The following CSPG5 variants were observed in gnomAD, a reference collection of about 807,000 sequenced individuals.
The protein encoded by CSPG5 is chondroitin sulfate proteoglycan 5.
A neutral mutation model predicts 39.8 loss-of-function variants in CSPG5; 25 were observed. The ratio of observed to expected loss-of-function variants is 0.63; its 90% CI spans 0.46 to 0.88. CSPG5 has a LOEUF of 0.88. CSPG5 is among the 40% of genes least tolerant of loss of function. The pLI is 0.00. For missense variants in CSPG5, 627 were observed against 702.2 expected (o/e 0.89, Z 1.21); for synonymous variants, 295 against 303.9 (o/e 0.97, Z 0.31).
At position 47,576,976 on chromosome 3, in the gene CSPG5, C is replaced by A. The variant is rs1273988009; in HGVS notation, c.1050G>T (p.Leu350Phe). ...RPRPGEPGRD[L>F]ASSENGTECR... ...ACTCAGTGCCATTTTCACTGGAGGC[C>A]AAGTCCCTGCCTGGCTCTCCTGGGC... Residue 350 changes from leucine (L) to phenylalanine (F), a missense_variant, in exon 2 of 5, where the codon TTG becomes TTT. Transcript: ENST00000264723. 6.2e-7 allele frequency: 1 copy of A among 1,613,694 alleles called. No homozygotes were observed. The highest frequency in any genetic ancestry group is 8.5e-7 in the Non-Finnish European group (1 of 1,179,884).
Position 47,578,009 on chromosome 3 carries a change from C to A in CSPG5, c.98-81G>T. 7.4e-7 allele frequency: 1 copy of A among 1,356,626 alleles called. No individual in the cohort carries two copies. Among genetic ancestry groups the A allele is most frequent in the Non-Finnish European group, 9.4e-7 (1 of 1,062,952 alleles). 84.0% of individuals were successfully genotyped at this position (1,356,626 alleles called of 1,614,324 possible). A position where few individuals can be genotyped will look rare whatever the true frequency, so the allele number is the denominator to read the frequency against. ...GAGCCCCGGCCCGCCCCGGTCAGGC[C>A]CGCTCGCCTAGACCTGGTCAACCCA... On this transcript the variant is annotated intron_variant, in intron 1 of 4. Coordinates refer to ENST00000264723, the MANE Select transcript of CSPG5 (RefSeq NM_006574.4). The surrounding 1 kb of genome is among the most constrained non-coding windows in gnomAD (Gnocchi z 6.0).
rs980126183 is a variant in CSPG5 at position 47,577,951 on chromosome 3, C to A, written c.98-23G>T. 7 of 1,395,674 alleles carry A rather than the reference C, an allele frequency of 5.0e-6. No homozygotes were observed. The highest frequency in any genetic ancestry group is 6.4e-6 in the Non-Finnish European group (7 of 1,086,168). The allele number at this position is 1,395,674 out of a possible 1,614,324, so 86.5% of individuals were successfully genotyped here. A position where few individuals can be genotyped will look rare whatever the true frequency, so the allele number is the denominator to read the frequency against. On this transcript the variant is annotated intron_variant, in intron 1 of 4. Transcript: ENST00000264723. The surrounding 1 kb of genome is among the most constrained non-coding windows in gnomAD (Gnocchi z 4.7). ...GCGCTGCGGGCGGGAGGGCAAGGGGCGGGACGTCAGGGCGGCGCGCTGAGG... is the reference window on the plus strand; with the variant it reads ...GCGCTGCGGGCGGGAGGGCAAGGGGAGGGACGTCAGGGCGGCGCGCTGAGG...
At position 47,578,675 on chromosome 3, in the gene CSPG5, C is replaced by A. The variant is rs917880653; in HGVS notation, c.19G>T (p.Gly7Trp). ...GGCGGCGGCCCCCGGCCCGGGCCCC[C>A]GCCCCCGGCTCGCCCCATGGCGCGG... MGRAGG[G>W]GPGRGPPPLL... The change falls in exon 1 of 5, where the codon GGG becomes TGG. Residue 7 changes from glycine to tryptophan, a missense_variant. Physicochemically the swap from Gly to Trp is radical, Grantham distance 184 (BLOSUM62 -2). Transcript: ENST00000264723. The surrounding 1 kb of genome is among the most constrained non-coding windows in gnomAD (Gnocchi z 6.0). 8 of 1,072,000 alleles carry A rather than the reference C, an allele frequency of 7.5e-6. No individual in the cohort carries two copies. The highest frequency in any genetic ancestry group is 1.7e-5 in the African/African-American group (1 of 59,104). The allele number at this position is 1,072,000 out of a possible 1,614,324, so 66.4% of individuals were successfully genotyped here.
At chr3:47,575,930 T>A (rs1262873809) in intron 2 of CSPG5, among the ~76,000 whole-genome samples, 2 of 102,800 alleles carry the variant, frequency 1.9e-5, no homozygotes, top group Non-Finnish European at 4.2e-5. Context: ...TCATTTTGCC[T>A]TTTTTTTTTT....
intron 4 of CSPG5, among the ~76,000 whole-genome samples, chr3:47,566,057 C>G (rs1394578401): frequency 6.6e-6 from 1 of 152,142 alleles, no homozygotes; most frequent in Non-Finnish European, 1.5e-5. Context: ...GGCACAGATA[C>G]CAGCCACTGA....
At chr3:47,567,813 A>G (rs2031371444) in intron 4 of CSPG5, among the ~76,000 whole-genome samples, 1 of 152,150 alleles carries the variant, frequency 6.6e-6, no homozygotes, top group African/African-American at 2.4e-5. Flanking sequence ...GGGGTTCGAG[A>G]CCAGCCTGGG....
intron 4 of CSPG5, among the ~76,000 whole-genome samples, chr3:47,563,576 A>G (rs1184895272): frequency 6.6e-6 from 1 of 152,114 alleles, no homozygotes; most frequent in African/African-American, 2.4e-5. Context: ...TATTCTTGAG[A>G]AGGAGTCTTG....
Position 47,562,499 on chromosome 3 carries a change from T to C in CSPG5, c.*101A>G. ...CATGAGATCAGAAAAAGAAAAGAGTTTAACAAATGGTTACAAGAAATAGAC... is the reference window on the plus strand; with the variant it reads ...CATGAGATCAGAAAAAGAAAAGAGTCTAACAAATGGTTACAAGAAATAGAC... On this transcript the variant is annotated 3_prime_UTR_variant, in exon 5 of 5. Coordinates refer to ENST00000264723, the MANE Select transcript of CSPG5 (RefSeq NM_006574.4). 2 of 1,196,996 alleles carry C rather than the reference T, an allele frequency of 1.7e-6. No homozygotes were observed. The highest frequency in any genetic ancestry group is 2.3e-6 in the Non-Finnish European group (2 of 860,172). The allele number at this position is 1,196,996 out of a possible 1,614,324, so 74.1% of individuals were successfully genotyped here.
chr3:47,569,347 T>A, intron 3 of CSPG5, 120 bp from the exon 4 acceptor site: 1 of 985,342 alleles, frequency 1.0e-6, no homozygotes, highest in Non-Finnish European at 1.5e-6. Context: ...CTCGCGCCTG[T>A]AATCCTAGCA....
chr3:47,577,420 T>C lies in CSPG5; in HGVS notation c.606A>G (p.Gln202=), dbSNP rs767914543. 1.2e-6 allele frequency: 2 copies of C among 1,614,136 alleles called. No homozygotes were observed. The highest frequency in any genetic ancestry group is 2.2e-5 in the East Asian group (1 of 44,868). ...TYPFQGTLEP[Q]PASDIIDIDY... ...CGATGTCAATGATATCTGATGCCGG[T>C]TGGGGCTCCAGGGTGCCCTGAAATG... The change falls in exon 2 of 5, where the codon CAA becomes CAG. Residue 202 remains glutamine (Q), a synonymous_variant. Transcript: ENST00000264723. This position sits in a 1 kb window ranked among gnomAD's most constrained non-coding sequence, Gnocchi z 4.7.
At position 47,577,775 on chromosome 3, in the gene CSPG5, C is replaced by T; in HGVS notation, c.251G>A (p.Gly84Glu). 6.3e-7 allele frequency: 1 copy of T among 1,587,332 alleles called. No individual in the cohort carries two copies. Among genetic ancestry groups the T allele is most frequent in the Non-Finnish European group, 8.5e-7 (1 of 1,174,300 alleles). ...SWTAPGGELA[G>E]PEEVLQESAA... The stretch of plus-strand genomic sequence containing the variant: ...CGACTCCTGCAGCACCTCTTCTGGC[C>T]CGGCCAGCTCGCCACCGGGCGCCGT... Residue 84 changes from glycine to glutamate, a missense_variant, in exon 2 of 5, where the codon GGG (glycine) becomes GAG (glutamate). Gly to Glu is a moderately conservative substitution (Grantham distance 98, BLOSUM62 -2). Transcript: ENST00000264723. The surrounding 1 kb of genome is among the most constrained non-coding windows in gnomAD (Gnocchi z 4.7).
chr3:47,576,102 A>T (rs555218449), intron 2 of CSPG5, among the ~76,000 whole-genome samples: 1 of 151,458 alleles, frequency 6.6e-6, no homozygotes, highest in African/African-American at 2.4e-5. Context: ...ACCCGGCTAA[A>T]TTTTTTATGT....
In CSPG5 at chr3:47,577,675, G is replaced by A; in HGVS notation, c.351C>T (p.Ser117=). ...TAGCTGGAAGGGCCTGGGCATCGCC[G>A]CTGCCCGCCTCTGCGGTCACTCCTC... ...GLGGVTAEAG[S]GDAQALPATL... is the part of the protein sequence containing the mutation. Residue 117 remains serine (S), a synonymous_variant, in exon 2 of 5, where the codon AGC becomes AGT. Coordinates refer to ENST00000264723, the MANE Select transcript of CSPG5 (RefSeq NM_006574.4). This position sits in a 1 kb window ranked among gnomAD's most constrained non-coding sequence, Gnocchi z 4.7. 1.3e-6 allele frequency: 2 copies of A among 1,596,280 alleles called. No individual in the cohort carries two copies. Among genetic ancestry groups the A allele is most frequent in the Non-Finnish European group, 1.7e-6 (2 of 1,173,804 alleles).
intron 2 of CSPG5, among the ~76,000 whole-genome samples, chr3:47,574,305 C>T (rs1255416969): frequency 6.6e-6 from 1 of 152,098 alleles, no homozygotes; most frequent in African/African-American, 2.4e-5. Flanking sequence ...GCAAGGGCTC[C>T]AAATTTCATA....
At chr3:47,571,095 TAAA>T (rs138935167) in intron 3 of CSPG5, among the ~76,000 whole-genome samples, 1 of 143,076 alleles carries the variant, frequency 7.0e-6, no homozygotes, top group African/African-American at 2.6e-5. Context: ...TCAATTAAAT[TAAA>T]AAAAAAAAAA....
At chr3:47,563,016 C>A (rs1164475893) in intron 4 of CSPG5, among the ~76,000 whole-genome samples, 4 of 152,140 alleles carry the variant, frequency 2.6e-5, no homozygotes, top group Non-Finnish European at 4.4e-5. Context: ...TGTGCCATGT[C>A]CAAGGTTTTC....
chr3:47,575,492 G>A (rs1370161242), intron 2 of CSPG5, among the ~76,000 whole-genome samples: 1 of 152,118 alleles, frequency 6.6e-6, no homozygotes, highest in South Asian at 2.1e-4. Flanking sequence ...AGGTGAGTAG[G>A]GTAATTACTG....
rs766254155 is a variant in CSPG5, at chr3:47,577,541, C to T, written c.485G>A (p.Ser162Asn). 12 of 1,610,620 alleles carry T rather than the reference C, an allele frequency of 7.5e-6. No individual in the cohort carries two copies. The East Asian group carries it at 2.5e-4, about 33-fold the overall frequency. ...CTCCTTGGGGAGTTCAGAAGCTGGGCTCAGCTTGTCGCCGGGGGTGGGGGA... is the reference window on the plus strand; with the variant it reads ...CTCCTTGGGGAGTTCAGAAGCTGGGTTCAGCTTGTCGCCGGGGGTGGGGGA... ...PPSPTPGDKL[S>N]PASELPKESP... The change falls in exon 2 of 5, where the codon AGC becomes AAC. Residue 162 changes from serine to asparagine, a missense_variant. By Grantham distance (46) the Ser-to-Asn change is conservative. Coordinates refer to ENST00000264723, the MANE Select transcript of CSPG5 (RefSeq NM_006574.4). This position sits in a 1 kb window ranked among gnomAD's most constrained non-coding sequence, Gnocchi z 4.7.
At position 47,578,328 on chromosome 3, in the gene CSPG5, C is replaced by G. The variant is rs1325898961; in HGVS notation, c.97+269G>C. 7.5e-4 allele frequency among the ~76,000 whole-genome samples: 111 copies of G among 147,824 alleles called. No homozygotes were observed. Among genetic ancestry groups the G allele is most frequent in the African/African-American group, 2.3e-3 (92 of 40,382 alleles). ...ACCCTCAGGCCCCGCCCCGGCCCCGCCCCGGCCCCGCCCCCGGCCCCGCCC... is the reference window on the plus strand; with the variant it reads ...ACCCTCAGGCCCCGCCCCGGCCCCGGCCCGGCCCCGCCCCCGGCCCCGCCC... On this transcript the variant is annotated intron_variant, in intron 1 of 4. Coordinates refer to ENST00000264723, the MANE Select transcript of CSPG5 (RefSeq NM_006574.4). This position sits in a 1 kb window ranked among gnomAD's most constrained non-coding sequence, Gnocchi z 6.0.
Sources: gnomAD v4.1 joint callset for allele counts (sites outside exome capture counted in the v4.1 genomes callset) on GRCh38, gnomAD v4.1.1 for gene constraint, Gnocchi (gnomAD v3.1) non-coding constraint, MANE v1.5 for transcripts, NCBI Gene and HGNC (gene_info 2026-07-23, HGNC 2026-07-21) for gene names.